Variants in TLN1 observed in about 807,000 individuals in gnomAD.
TLN1 encodes the protein talin-1.
A neutral mutation model predicts 292.3 loss-of-function variants in TLN1; 56 were observed. That is an observed-to-expected ratio of 0.19 (90% CI 0.15 to 0.24). The LOEUF (loss-of-function observed/expected upper bound fraction) is 0.24, where lower values mean the gene tolerates loss of function less well. Among genes scored for constraint, TLN1 ranks in the 10% least tolerant of loss-of-function variants. The pLI is 1.00. For synonymous variants in TLN1, 1,119 were observed against 1,253.7 expected (o/e 0.89, Z 2.27); for missense variants, 2,433 against 3,248.2 (o/e 0.75, Z 6.10).
Position 35,706,822 on chromosome 9 carries a change from A to G in TLN1, c.5034T>C (p.Ala1678=), listed in dbSNP as rs377421728. Residue 1678 remains alanine, a synonymous_variant, in exon 38 of 57, where the codon GCT becomes GCC. Transcript: ENST00000314888. The surrounding 1 kb of genome is among the most constrained non-coding windows in gnomAD (Gnocchi z 4.2). ...GCTGCTGGCTGACTGCAGCGAGGGA[A>G]GCCTGGTCTAGGTCCCGTAGACAAC... ...LNSCLRDLDQ[A]SLAAVSQQLA... The G allele has an allele frequency of 4.3e-6, 7 of 1,613,946 alleles. No individual in the cohort carries two copies. The highest frequency in any genetic ancestry group is 4.0e-5 in the African/African-American group (3 of 74,926).
chr9:35,700,980 TG>T (rs1290505900), intron 48 of TLN1, among the ~76,000 whole-genome samples: 4 of 152,166 alleles, frequency 2.6e-5, no homozygotes, highest in Non-Finnish European at 4.4e-5. Flanking sequence ...GCAGCAAAAC[TG>T]AGGACTGTGA....
rs1309834154 is a variant in TLN1 at position 35,707,149 on chromosome 9, G to T, written c.4878C>A (p.Asp1626Glu). The change falls in exon 37 of 57, where the codon GAC (aspartate) becomes GAA (glutamate). Residue 1626 changes from aspartate to glutamate, a missense_variant. Transcript: ENST00000314888. This position sits in a 1 kb window ranked among gnomAD's most constrained non-coding sequence, Gnocchi z 5.6. ...CGGCCAGCACCGACCAGCTCGGGGG[G>T]TCCCGGGGATTGACTGCGAGGGCCC... ...TARALAVNPR[D>E]PPSWSVLAGH... 6.2e-7 allele frequency: 1 copy of T among 1,610,518 alleles called. No individual in the cohort carries two copies. The highest frequency in any genetic ancestry group is 1.3e-5 in the African/African-American group (1 of 74,766).
In TLN1 at chr9:35,724,528, A is replaced by G. The variant is rs1379184207; in HGVS notation, c.511+44T>C. On this transcript the variant is annotated intron_variant, in intron 5 of 56. Coordinates refer to ENST00000314888, the MANE Select transcript of TLN1 (RefSeq NM_006289.4). The surrounding 1 kb of genome is among the most constrained non-coding windows in gnomAD (Gnocchi z 4.7). ...GAAGCAGATGCTGAAGCCCCTTCCC[A>G]CCCTTCCCATTTCAAAAGCCCTCTT... 13 of 1,593,368 alleles carry G rather than the reference A, an allele frequency of 8.2e-6. 1 individual carries two copies. Among genetic ancestry groups the G allele is most frequent in the Middle Eastern group, 3.3e-4 (2 of 5,974 alleles).
In TLN1 at chr9:35,720,521, A is replaced by C; in HGVS notation, c.1207-12T>G. 3 of 1,613,036 alleles carry C rather than the reference A, an allele frequency of 1.9e-6. No individual in the cohort carries two copies. The highest frequency in any genetic ancestry group is 2.5e-6 in the Non-Finnish European group (3 of 1,179,134). ...TCCTTGCTTTTTTTCTGTAGGAAGGAAAAAGGAACAAGAGTTGGGATAGTT... is the reference window on the plus strand; with the variant it reads ...TCCTTGCTTTTTTTCTGTAGGAAGGCAAAAGGAACAAGAGTTGGGATAGTT... On this transcript the variant is annotated splice_polypyrimidine_tract_variant and intron_variant, in intron 11 of 56. Coordinates refer to ENST00000314888, the MANE Select transcript of TLN1 (RefSeq NM_006289.4).
Position 35,717,135 on chromosome 9 carries a change from G to T in TLN1, c.2458+11C>A. The T allele has an allele frequency of 6.3e-7, 1 of 1,586,628 alleles. No homozygotes were observed. Among genetic ancestry groups the T allele is most frequent in the Non-Finnish European group, 8.6e-7 (1 of 1,160,348 alleles). ...TAGGGTTTTTTGTTTTCCTGGGGGT[G>T]CGTGTCTTACCAGCATCACCCATGG... On this transcript the variant is annotated intron_variant, in intron 19 of 56. Transcript: ENST00000314888. The surrounding 1 kb of genome is among the most constrained non-coding windows in gnomAD (Gnocchi z 4.7).
intron 33 of TLN1, among the ~76,000 whole-genome samples, chr9:35,710,035 C>A (rs1181507509): frequency 2.8e-5 from 4 of 145,028 alleles, no homozygotes; most frequent in Admixed American, 1.4e-4. Flanking sequence ...CATGGTGAAA[C>A]CCTGTCTTTA....
chr9:35,712,135 A>C lies in TLN1; in HGVS notation c.3562-11T>G. 6.2e-7 allele frequency: 1 copy of C among 1,611,102 alleles called. No homozygotes were observed. The highest frequency in any genetic ancestry group is 8.5e-7 in the Non-Finnish European group (1 of 1,178,896). On this transcript the variant is annotated splice_polypyrimidine_tract_variant and intron_variant, in intron 27 of 56. Transcript: ENST00000314888. ...CACTGCTTTAGCCACCTGGGGTGAG[A>C]AAGGAGACAGGGTTGCCCAAGTGAA...
intron 25 of TLN1, among the ~76,000 whole-genome samples, chr9:35,713,701 A>T (rs1193517125): frequency 6.6e-6 from 1 of 151,882 alleles, no homozygotes; most frequent in Non-Finnish European, 1.5e-5. Flanking sequence ...AAAGAAATAA[A>T]AGAACGGAAA....
Position 35,717,573 on chromosome 9 carries a change from G to C in TLN1, c.2163+46C>G. 1 of 1,590,114 alleles carries C rather than the reference G, an allele frequency of 6.3e-7. No homozygotes were observed. Among genetic ancestry groups the C allele is most frequent in the African/African-American group, 1.3e-5 (1 of 74,598 alleles). ...AAAATGAAAGGCTCACGTGTGTGTG[G>C]TAGTATTACCCCTCAGCACGGACTA... On this transcript the variant is annotated intron_variant, in intron 18 of 56. Transcript: ENST00000314888. The surrounding 1 kb of genome is among the most constrained non-coding windows in gnomAD (Gnocchi z 4.7).
Position 35,704,862 on chromosome 9 carries a change from G to T in TLN1, c.5734-47C>A. The T allele has an allele frequency of 1.3e-6, 2 of 1,594,728 alleles. No individual in the cohort carries two copies. Among genetic ancestry groups the T allele is most frequent in the Non-Finnish European group, 1.7e-6 (2 of 1,166,222 alleles). ...GATGGATTTTACAAGGGGCACTCAG[G>T]GTACCTTCACTGTGCTTGGAAAAGT... On this transcript the variant is annotated intron_variant, in intron 43 of 56. Transcript: ENST00000314888. The surrounding 1 kb of genome is among the most constrained non-coding windows in gnomAD (Gnocchi z 6.9).
chr9:35,731,709 T>C (rs1826083319), intron 1 of TLN1, among the ~76,000 whole-genome samples: 1 of 152,106 alleles, frequency 6.6e-6, no homozygotes, highest in African/African-American at 2.4e-5. Flanking sequence ...AACCCCAGCT[T>C]TTAACTCCTA....
chr9:35,728,196 T>G (rs1826012052), intron 1 of TLN1, among the ~76,000 whole-genome samples: 1 of 151,290 alleles, frequency 6.6e-6, no homozygotes, highest in East Asian at 1.9e-4. Context: ...AATGTAAGAG[T>G]ATTGGAGCTA....
chr9:35,697,859 T>G lies in TLN1; in HGVS notation c.7558A>C (p.Lys2520Gln), dbSNP rs1235966423. The change falls in exon 57 of 57, where the codon AAG becomes CAG. Residue 2520 changes from lysine (K) to glutamine (Q), a missense_variant. Physicochemically the swap from Lys to Gln is moderately conservative, Grantham distance 53. Around this residue, in one of 7 missense-constraint regions of TLN1, gnomAD observed 141 missense variants for 248.5 expected, o/e 0.57. Transcript: ENST00000314888. ...TGCTGCCGGATCTGGGCCAGTTTCT[T>G]CCGCGCCTCTTCCAGCTCTCGTTCC... ...RKERELEEAR[K>Q]KLAQIRQQQY... 1 of 1,614,082 alleles carries G rather than the reference T, an allele frequency of 6.2e-7. No individual in the cohort carries two copies. The highest frequency in any genetic ancestry group is 8.5e-7 in the Non-Finnish European group (1 of 1,180,034).
chr9:35,722,283 G>A (rs1825889961), intron 8 of TLN1, 60 bp from the exon 9 acceptor site: 2 of 1,437,000 alleles, frequency 1.4e-6, no homozygotes, highest in African/African-American at 2.8e-5. Context: ...AAGGAATTAA[G>A]GTTGGATGCT....
chr9:35,721,016 G>T, intron 10 of TLN1, 103 bp from the exon 11 acceptor site: 3 of 793,750 alleles, frequency 3.8e-6, no homozygotes, highest in East Asian at 2.6e-5. Context: ...ATGCCTTCCC[G>T]TGGCAACGGC....
In TLN1 at chr9:35,699,696, G is replaced by T. The variant is rs1825429567; in HGVS notation, c.6769-235C>A. On this transcript the variant is annotated intron_variant, in intron 50 of 56. Transcript: ENST00000314888. This position sits in a 1 kb window ranked among gnomAD's most constrained non-coding sequence, Gnocchi z 4.0. ...CAAGGAGCAAGGAGAATGATGAGATGAAAGAGGAGACGACGAAAGTAGAGA... is the reference window on the plus strand; with the variant it reads ...CAAGGAGCAAGGAGAATGATGAGATTAAAGAGGAGACGACGAAAGTAGAGA... 1 of 985,390 alleles carries T rather than the reference G, an allele frequency of 1.0e-6. No homozygotes were observed. Among genetic ancestry groups the T allele is most frequent in the East Asian group, 1.1e-4 (1 of 8,814 alleles). 61.0% of individuals were successfully genotyped at this position (985,390 alleles called of 1,614,324 possible). A position where few individuals can be genotyped will look rare whatever the true frequency, so the allele number is the denominator to read the frequency against.
chr9:35,715,546 T>C (rs1825761411), intron 20 of TLN1, among the ~76,000 whole-genome samples: 1 of 152,230 alleles, frequency 6.6e-6, no homozygotes, highest in South Asian at 2.1e-4. Flanking sequence ...TGCTTACTCC[T>C]GCCAACTGAA....
In TLN1 at chr9:35,700,057, C is replaced by G. The variant is rs745787793; in HGVS notation, c.6685G>C (p.Ala2229Pro). 2 of 1,613,092 alleles carry G rather than the reference C, an allele frequency of 1.2e-6. No individual in the cohort carries two copies. Among genetic ancestry groups the G allele is most frequent in the African/African-American group, 2.7e-5 (2 of 74,904 alleles). ...CKEAAYHPEV[A>P]PDVRLRALHY... ...AGGGCTCGAAGCCGCACATCAGGGG[C>G]CACTTCTGGGTGGTAAGCTGCTTCC... Residue 2229 changes from alanine to proline, a missense_variant, in exon 50 of 57, where the codon GCC becomes CCC. This residue lies in a region of TLN1 where 1,384 missense variants were observed against 1,699.6 expected (regional missense o/e 0.81). Coordinates refer to ENST00000314888, the MANE Select transcript of TLN1 (RefSeq NM_006289.4).
chr9:35,721,991 C>G, intron 9 of TLN1, 128 bp downstream of exon 9: 1 of 1,156,744 alleles, frequency 8.6e-7, no homozygotes. Context: ...GAGGTCAGAG[C>G]AAGGAAGAGA....
Sources: gnomAD v4.1 joint callset for allele counts (sites outside exome capture counted in the v4.1 genomes callset) on GRCh38, gnomAD v4.1.1 for gene constraint, gnomAD v4.1.1 regional missense constraint, Gnocchi (gnomAD v3.1) non-coding constraint, MANE v1.5 for transcripts, NCBI Gene and HGNC (gene_info 2026-07-23, HGNC 2026-07-21) for gene names.